EML5: variants seen among roughly 807,000 people sequenced by gnomAD.
EML5 encodes the protein echinoderm microtubule-associated protein-like 5.
EML5 carries 120 observed loss-of-function variants against 250.0 expected under a neutral mutation model. The observed-to-expected ratio is 0.48, with a 90% CI of 0.41 to 0.56. EML5 has a LOEUF of 0.56. Ranked by LOEUF, EML5 falls within the 20% of genes least tolerant of loss-of-function variation. The pLI is 0.00. For synonymous variants in EML5, 771 were observed against 806.5 expected, an observed-to-expected ratio of 0.96 and a Z score of 0.75; for missense variants, 2,006 against 2,437.6, an observed-to-expected ratio of 0.82 and a Z score of 3.73.
chr14:88,765,541 C>CT (rs1261621167), intron 1 of EML5, among the ~76,000 whole-genome samples: 1 of 152,126 alleles, frequency 6.6e-6, no homozygotes, highest in Admixed American at 6.6e-5. Flanking sequence ...AAATTATTTG[C>CT]TTTTAAGGGC....
intron 24 of EML5, 65 bp from the exon 25 acceptor site, chr14:88,661,895 G>A: frequency 2.1e-6 from 3 of 1,397,652 alleles, no homozygotes; most frequent in Non-Finnish European, 1.9e-6. Context: ...CAACCAAAAT[G>A]TAAACATTTT....
At chr14:88,775,874 T>A (rs1012553105) in intron 1 of EML5, among the ~76,000 whole-genome samples, 5 of 152,166 alleles carry the variant, frequency 3.3e-5, no homozygotes, top group African/African-American at 4.8e-5. Flanking sequence ...AGGGTGATTA[T>A]GTCATTCACC....
At position 88,744,016 on chromosome 14, in the gene EML5, C is replaced by T; in HGVS notation, c.525+7G>A. The T allele has an allele frequency of 1.9e-6, 3 of 1,549,426 alleles. No homozygotes were observed. Among genetic ancestry groups the T allele is most frequent in the Non-Finnish European group, 2.6e-6 (3 of 1,141,304 alleles). ...GTGACTATTATAAAACAAGACCCTT[C>T]TAGTACCTTGATATGTTTTACACCA... On this transcript the variant is annotated splice_region_variant and intron_variant, in intron 4 of 43. Transcript: ENST00000554922.
intron 27 of EML5, 70 bp from the exon 28 acceptor site, chr14:88,649,996 T>G: frequency 2.6e-6 from 3 of 1,137,668 alleles, no homozygotes; most frequent in Non-Finnish European, 3.5e-6. Context: ...AATACAGCAT[T>G]TTAGCAAACA....
chr14:88,667,816 C>A (rs528342511), intron 21 of EML5, among the ~76,000 whole-genome samples: 13 of 152,318 alleles, frequency 8.5e-5, no homozygotes, highest in African/African-American at 3.1e-4. Flanking sequence ...ATGGCTCTAA[C>A]AATTTAGCTG....
At position 88,614,970 on chromosome 14, in the gene EML5, A is replaced by G. The variant is rs1032038957; in HGVS notation, c.*848T>C. The G allele has an allele frequency of 5.3e-5, 8 of 152,238 alleles. No homozygotes were observed. The highest frequency in any genetic ancestry group is 1.9e-4 in the African/African-American group (8 of 41,480). 9.4% of individuals were successfully genotyped at this position (152,238 alleles called of 1,614,324 possible). A position where few individuals can be genotyped will look rare whatever the true frequency, so the allele number is the denominator to read the frequency against. ...TTACATGTTAAACAAATGTGTATAT[A>G]TTAGACTACATTAAATATGCAATTC... is the stretch of plus-strand genomic sequence containing the variant. On this transcript the variant is annotated 3_prime_UTR_variant, in exon 44 of 44. Transcript: ENST00000554922.
chr14:88,648,534 T>C (rs2140759379), intron 28 of EML5, among the ~76,000 whole-genome samples: 1 of 152,154 alleles, frequency 6.6e-6, no homozygotes, highest in Admixed American at 6.5e-5. Flanking sequence ...TTAAAATTTT[T>C]TTTGTAGAGA....
intron 28 of EML5, among the ~76,000 whole-genome samples, chr14:88,647,657 C>T (rs752463426): frequency 1.5e-4 from 17 of 115,198 alleles, no homozygotes; most frequent in Non-Finnish European, 2.6e-4. Flanking sequence ...CATCACTGCA[C>T]TCAGCCTAGG....
intron 29 of EML5, 29 bp from the exon 30 acceptor site, chr14:88,644,540 G>C: frequency 6.2e-7 from 1 of 1,607,154 alleles, no homozygotes; most frequent in Non-Finnish European, 8.5e-7. Context: ...GAGGAGGAAA[G>C]GCATGCAGCA....
intron 20 of EML5, among the ~76,000 whole-genome samples, chr14:88,684,772 T>C (rs2092793170): frequency 6.6e-6 from 1 of 152,102 alleles, no homozygotes; most frequent in South Asian, 2.1e-4. Flanking sequence ...CATTTCATTA[T>C]AACCAAATTA....
chr14:88,658,403 A>C lies in EML5; in HGVS notation c.3676-15T>G. 6.4e-7 allele frequency: 1 copy of C among 1,554,146 alleles called. No individual in the cohort carries two copies. The highest frequency in any genetic ancestry group is 8.8e-7 in the Non-Finnish European group (1 of 1,142,176). On this transcript the variant is annotated splice_polypyrimidine_tract_variant and intron_variant, in intron 25 of 43. Transcript: ENST00000554922. ...CCAAATTTCCCCTAAAGAGGAAGAA[A>C]ATTCAAACAATCTTTCTGAGAAATT...
intron 10 of EML5, among the ~76,000 whole-genome samples, chr14:88,707,299 T>TTTA (rs2093335255): frequency 6.6e-6 from 1 of 151,402 alleles, no homozygotes; most frequent in South Asian, 2.1e-4. Context: ...TATTTATTTA[T>TTTA]TTATTTATGG....
chr14:88,765,689 G>A (rs1802014652), intron 1 of EML5, among the ~76,000 whole-genome samples: 1 of 152,200 alleles, frequency 6.6e-6, no homozygotes, highest in South Asian at 2.1e-4. Context: ...AGGAATTAGA[G>A]TATGGATATC....
intron 41 of EML5, chr14:88,617,643 A>G (rs2087917728): frequency 6.6e-6 from 1 of 152,120 alleles, no homozygotes; most frequent in South Asian, 2.1e-4. Flanking sequence ...GAATTAAAAA[A>G]ATTTCAGAGA....
chr14:88,654,245 C>T (rs943420821), intron 27 of EML5, among the ~76,000 whole-genome samples: 1 of 151,986 alleles, frequency 6.6e-6, no homozygotes, highest in Non-Finnish European at 1.5e-5. Flanking sequence ...CCTGGATTCA[C>T]TGATTTTTTG....
intron 1 of EML5, among the ~76,000 whole-genome samples, chr14:88,759,011 A>G (rs1267890282): frequency 1.3e-5 from 2 of 152,200 alleles, no homozygotes; most frequent in Non-Finnish European, 1.5e-5. Flanking sequence ...AGGAGAATGG[A>G]TAAGGACTGC....
At chr14:88,789,325 T>C (rs914821638) in intron 1 of EML5, among the ~76,000 whole-genome samples, 19 of 152,316 alleles carry the variant, frequency 1.2e-4, no homozygotes, top group African/African-American at 4.3e-4. Flanking sequence ...CCCTATATTA[T>C]TTCTGACATT....
At chr14:88,642,659 T>G (rs1395614421) in intron 31 of EML5, among the ~76,000 whole-genome samples, 1 of 152,224 alleles carries the variant, frequency 6.6e-6, no homozygotes, top group Non-Finnish European at 1.5e-5. Context: ...AATAGAGACT[T>G]ATGAGCACTT....
At chr14:88,708,799 G>T (rs372082809) in intron 10 of EML5, among the ~76,000 whole-genome samples, 2 of 152,100 alleles carry the variant, frequency 1.3e-5, no homozygotes, top group African/African-American at 2.4e-5. Flanking sequence ...TGCTCACAAG[G>T]TACCTTTTGA....
Sources: allele counts gnomAD v4.1 joint callset (sites outside exome capture counted in the v4.1 genomes callset), GRCh38; gene constraint gnomAD v4.1.1; transcripts MANE v1.5; gene names NCBI Gene and HGNC (gene_info 2026-07-23, HGNC 2026-07-21).